Variants in TP63 observed in about 807,000 individuals in gnomAD.
TP63 encodes the protein tumor protein p63.
TP63 carries 17 observed loss-of-function variants against 82.8 expected under a neutral mutation model. That is an observed-to-expected ratio of 0.21 (90% CI 0.14 to 0.31). The LOEUF is 0.31. Among genes scored for constraint, TP63 ranks in the 10% least tolerant of loss-of-function variants. TP63 has a pLI of 1.00. For missense variants in TP63, 648 were observed against 895.3 expected (o/e 0.72, Z 3.52); for synonymous variants, 330 against 321.7 (o/e 1.03, Z -0.28).
chr3:189,741,217 A>ACC lies in TP63; in HGVS notation c.324+2445_324+2446dup, dbSNP rs11395758. Among the ~76,000 whole-genome samples, 320 of 150,066 alleles carry ACC rather than the reference A, an allele frequency of 2.1e-3. 2 individuals carry two copies. The highest frequency in any genetic ancestry group is 0.014 in the South Asian group (67 of 4,714). The stretch of plus-strand genomic sequence containing the variant: ...CTCTGTCTGTGGAAAAAAAAAAAAA[A>ACC]CCCTGAGATATTCCTAACAACGTAG... On this transcript the variant is annotated intron_variant, in intron 3 of 13. Transcript: ENST00000264731.
intron 3 of TP63, among the ~76,000 whole-genome samples, chr3:189,806,072 C>A (rs1265329996): frequency 7.3e-6 from 1 of 136,650 alleles, no homozygotes; most frequent in Non-Finnish European, 1.5e-5. Flanking sequence ...TTTTTTGCCC[C>A]TTACACGGAA....
At chr3:189,626,587 C>T (rs1729324457), upstream of TP63, among the ~76,000 whole-genome samples, 1 of 152,186 alleles carries the variant, frequency 6.6e-6, no homozygotes, top group African/African-American at 2.4e-5. Context: ...ACCTATTGCT[C>T]TTTCCTTGGT....
At chr3:189,843,164 G>A (rs1378022118) in intron 4 of TP63, among the ~76,000 whole-genome samples, 1 of 152,216 alleles carries the variant, frequency 6.6e-6, no homozygotes, top group Non-Finnish European at 1.5e-5. Flanking sequence ...AGTGCCCAGG[G>A]CTAGCCACAA....
chr3:189,727,794 T>C (rs1560138983), intron 1 of TP63, among the ~76,000 whole-genome samples: 2 of 152,306 alleles, frequency 1.3e-5, no homozygotes, highest in Admixed American at 1.3e-4. Context: ...CTTATTCAAA[T>C]GTCTCCTAAA....
chr3:189,749,901 A>C (rs1352648906), intron 3 of TP63, among the ~76,000 whole-genome samples: 5 of 152,148 alleles, frequency 3.3e-5, no homozygotes, highest in African/African-American at 1.2e-4. Flanking sequence ...AGGCAGGCAG[A>C]TCATGAGGTC....
At chr3:189,757,765 T>C (rs7433868) in intron 3 of TP63, among the ~76,000 whole-genome samples, 150,263 of 152,276 alleles carry the variant, frequency 0.99, 74,168 homozygotes, top group Non-Finnish European at 1. Flanking sequence ...CAATCTCAGA[T>C]GACCATAAGG....
In TP63 at chr3:189,864,224, C is replaced by T. The variant is rs779755225; in HGVS notation, c.580-8C>T. On this transcript the variant is annotated splice_region_variant and splice_polypyrimidine_tract_variant and intron_variant, in intron 4 of 13. Transcript: ENST00000264731. ...CTTCCTTTCTCCACTGGCCCCAACT[C>T]TAAGCAGTATTCCACTGAACTGAAG... The T allele has an allele frequency of 6.2e-6, 10 of 1,614,164 alleles. 1 individual carries two copies. In the South Asian group the frequency reaches 1.1e-4, roughly 18 times the overall value.
At position 189,744,356 on chromosome 3, in the gene TP63, T is replaced by G. The variant is rs139636127; in HGVS notation, c.324+5582T>G. Among the ~76,000 whole-genome samples the G allele has an allele frequency of 6.0e-4, 91 of 152,272 alleles. 1 individual carries two copies. Among genetic ancestry groups the G allele is most frequent in the Non-Finnish European group, 1.0e-3 (69 of 68,016 alleles). On this transcript the variant is annotated intron_variant, in intron 3 of 13. Coordinates refer to ENST00000264731, the MANE Select transcript of TP63 (RefSeq NM_003722.5). ...GCTGCTGTGGCCCTTACCTGAACAT[T>G]GTTCTGGCCTCCCGGGGGATCACCC...
At chr3:189,678,891 G>A (rs1715672170) in intron 1 of TP63, among the ~76,000 whole-genome samples, 1 of 151,820 alleles carries the variant, frequency 6.6e-6, no homozygotes, top group South Asian at 2.1e-4. Flanking sequence ...TTCTTGATTT[G>A]TTTCTTAGTT....
intron 3 of TP63, among the ~76,000 whole-genome samples, chr3:189,754,076 A>G (rs1378081262): frequency 2.0e-5 from 3 of 152,146 alleles, no homozygotes; most frequent in Non-Finnish European, 4.4e-5. Context: ...ATTGACTATA[A>G]TATTTATTAT....
At chr3:189,617,112 C>A in the TP63 span, among the ~76,000 whole-genome samples, 1 of 152,174 alleles carries the variant, frequency 6.6e-6, no homozygotes, top group Non-Finnish European at 1.5e-5. Flanking sequence ...GAATCTAAAT[C>A]TTCATGGGGA....
At chr3:189,753,899 T>G (rs1029455647) in intron 3 of TP63, among the ~76,000 whole-genome samples, 2 of 152,118 alleles carry the variant, frequency 1.3e-5, no homozygotes, top group African/African-American at 4.8e-5. Flanking sequence ...AATCACTATT[T>G]TACAAATTCA....
At chr3:189,726,846 C>A (rs1577311113) in intron 1 of TP63, among the ~76,000 whole-genome samples, 3 of 152,260 alleles carry the variant, frequency 2.0e-5, no homozygotes, top group Admixed American at 2.0e-4. Context: ...ATTTTAAAAT[C>A]TTTAAAGGTC....
chr3:189,724,657 C>T (rs903291855), intron 1 of TP63, among the ~76,000 whole-genome samples: 6 of 152,194 alleles, frequency 3.9e-5, no homozygotes, highest in Non-Finnish European at 8.8e-5. Context: ...GGAGCTGGGG[C>T]AATAACTAAC....
chr3:189,863,173 CTG>C lies in TP63; in HGVS notation c.580-1049_580-1048del, dbSNP rs1216623035. Among the ~76,000 whole-genome samples the C allele has an allele frequency of 3.3e-5, 5 of 152,220 alleles. No individual in the cohort carries two copies. In the East Asian group the frequency reaches 9.6e-4, roughly 29 times the overall value. ...GTTGGGGCCAACTTACGATTGCAACCTGTGTGTGTGTTTATCCTTTGTTTGGA... is the reference window on the plus strand; with the variant it reads ...GTTGGGGCCAACTTACGATTGCAACCTGTGTGTGTTTATCCTTTGTTTGGA... On this transcript the variant is annotated intron_variant, in intron 4 of 13. Coordinates refer to ENST00000264731, the MANE Select transcript of TP63 (RefSeq NM_003722.5).
Position 189,790,917 on chromosome 3 carries a change from G to A in TP63, c.325-17355G>A, listed in dbSNP as rs75528277. On this transcript the variant is annotated intron_variant, in intron 3 of 13. Transcript: ENST00000264731. ...GGGCCTGTGCTATCGTATTGACCAC[G>A]CTATTGTCTAGACTCCTGAACTGTG... Among the ~76,000 whole-genome samples, 4 of 152,250 alleles carry A rather than the reference G, an allele frequency of 2.6e-5. No homozygotes were observed. In the East Asian group the frequency reaches 7.7e-4, roughly 29 times the overall value.
chr3:189,628,910 A>G (rs1407254012), upstream of TP63, among the ~76,000 whole-genome samples: 1 of 152,106 alleles, frequency 6.6e-6, no homozygotes, highest in Admixed American at 6.6e-5. Flanking sequence ...ATTTATTTCC[A>G]TAATGCAATA....
intron 1 of TP63, among the ~76,000 whole-genome samples, chr3:189,679,452 G>T (rs1715723001): frequency 6.6e-6 from 1 of 151,870 alleles, no homozygotes; most frequent in Non-Finnish European, 1.5e-5. Flanking sequence ...GTCTTTTCAG[G>T]TTCTTTGCCC....
At chr3:189,621,062 T>G in the TP63 span, among the ~76,000 whole-genome samples, 1 of 152,200 alleles carries the variant, frequency 6.6e-6, no homozygotes, top group Non-Finnish European at 1.5e-5. Flanking sequence ...ATTTATCCCA[T>G]GACTAAAGCT....
Sources: gnomAD v4.1 joint callset for allele counts (sites outside exome capture counted in the v4.1 genomes callset) on GRCh38, gnomAD v4.1.1 for gene constraint, MANE v1.5 for transcripts, NCBI Gene and HGNC (gene_info 2026-07-23, HGNC 2026-07-21) for gene names.